PSMD14: variants seen among roughly 807,000 people sequenced by gnomAD.
PSMD14 encodes ubiquitin C-terminal hydrolase PSMD14.
PSMD14 carries 7 observed loss-of-function variants against 41.2 expected under a neutral mutation model. The ratio of observed to expected loss-of-function variants is 0.17; its 90% CI spans 0.10 to 0.32. The LOEUF (loss-of-function observed/expected upper bound fraction) is 0.32. Among genes scored for constraint, PSMD14 ranks in the 10% least tolerant of loss-of-function variants. The pLI is 1.00. For synonymous variants in PSMD14, 114 were observed against 122.3 expected (o/e 0.93, Z 0.45); for missense variants, 139 against 375.6 (o/e 0.37, Z 5.21).
Position 161,316,095 on chromosome 2 carries a change from T to C in PSMD14, c.-137-342T>C, listed in dbSNP as rs527460693. Among the ~76,000 whole-genome samples, 23 of 152,266 alleles carry C rather than the reference T, an allele frequency of 1.5e-4. No individual in the cohort carries two copies. The South Asian group carries it at 4.8e-3, about 32-fold the overall frequency. On this transcript the variant is annotated intron_variant, in intron 1 of 11. Transcript: ENST00000409682. ...CTGACCTCAGGTGATCCGCCCGCGT[T>C]GGCCTCCCAAAGTGCTGGGATTACA...
chr2:161,362,106 G>T (rs1683297398), intron 3 of PSMD14, among the ~76,000 whole-genome samples: 1 of 151,976 alleles, frequency 6.6e-6, no homozygotes, highest in Admixed American at 6.6e-5. Flanking sequence ...TCACTCTGTT[G>T]CCCAGGCTGG....
At chr2:161,314,435 T>C (rs1184080495) in intron 1 of PSMD14, among the ~76,000 whole-genome samples, 1 of 152,232 alleles carries the variant, frequency 6.6e-6, no homozygotes, top group Non-Finnish European at 1.5e-5. Context: ...GTGAACAGTT[T>C]AGTATCATTT....
chr2:161,400,633 A>G (rs116483066), intron 10 of PSMD14, among the ~76,000 whole-genome samples: 230 of 152,252 alleles, frequency 1.5e-3, no homozygotes, highest in Non-Finnish European at 2.8e-3. Flanking sequence ...GGTTCACTGT[A>G]GCTTCCACCT....
At chr2:161,386,194 G>A (rs1359506327) in intron 8 of PSMD14, among the ~76,000 whole-genome samples, 1 of 151,708 alleles carries the variant, frequency 6.6e-6, no homozygotes, top group East Asian at 1.9e-4. Flanking sequence ...ATGCCATGGT[G>A]TTTTTATACA....
chr2:161,394,356 A>T (rs1442480242), intron 9 of PSMD14, among the ~76,000 whole-genome samples: 1 of 152,118 alleles, frequency 6.6e-6, no homozygotes, highest in Non-Finnish European at 1.5e-5. Flanking sequence ...TAAATTATAG[A>T]TGGAATACCA....
intron 11 of PSMD14, among the ~76,000 whole-genome samples, chr2:161,410,307 G>T (rs551329513): frequency 6.6e-6 from 1 of 151,546 alleles, no homozygotes; most frequent in Non-Finnish European, 1.5e-5. Context: ...GTATCTCTGG[G>T]TTGTTTAAAA....
At chr2:161,342,540 A>G (rs1021425139) in intron 3 of PSMD14, among the ~76,000 whole-genome samples, 8 of 151,686 alleles carry the variant, frequency 5.3e-5, no homozygotes, top group Admixed American at 3.3e-4. Context: ...CTGTCTACCT[A>G]TTTGGATCTT....
intron 3 of PSMD14, among the ~76,000 whole-genome samples, chr2:161,336,889 A>G (rs574872432): frequency 4.6e-5 from 7 of 152,264 alleles, no homozygotes; most frequent in Admixed American, 2.0e-4. Context: ...TGTTATTTTT[A>G]TATTCTTAAT....
chr2:161,364,500 C>T (rs1683332984), intron 3 of PSMD14, among the ~76,000 whole-genome samples: 1 of 152,130 alleles, frequency 6.6e-6, no homozygotes. Context: ...CCCTCCTCTA[C>T]CCAGCCCTGC....
intron 9 of PSMD14, 42 bp from the exon 10 acceptor site, chr2:161,395,036 C>A: frequency 1.3e-6 from 2 of 1,492,528 alleles, no homozygotes; most frequent in African/African-American, 1.4e-5. Flanking sequence ...AAGGGGGTAT[C>A]CTCAAGGCAG....
In PSMD14 at chr2:161,341,040, C is replaced by T. The variant is rs1682948501; in HGVS notation, c.48+22167C>T. On this transcript the variant is annotated intron_variant, in intron 3 of 11. Transcript: ENST00000409682. ...CTCCGCTGGCGCCGCCGCGGGATCC[C>T]CTGGCCCTTCGGGCTCCCCCGGTCC... 1.9e-6 allele frequency: 3 copies of T among 1,601,738 alleles called. No individual in the cohort carries two copies. The East Asian group carries it at 6.7e-5, about 36-fold the overall frequency.
chr2:161,397,355 G>A (rs1016585703), intron 10 of PSMD14, among the ~76,000 whole-genome samples: 1 of 152,116 alleles, frequency 6.6e-6, no homozygotes, highest in African/African-American at 2.4e-5. Context: ...GGCACTGGTC[G>A]GATAGACGAA....
chr2:161,375,022 G>A (rs1350028460), intron 7 of PSMD14, among the ~76,000 whole-genome samples: 1 of 151,930 alleles, frequency 6.6e-6, no homozygotes, highest in African/African-American at 2.4e-5. Flanking sequence ...GTCCAAATGT[G>A]TCTTCCACTG....
intron 7 of PSMD14, chr2:161,382,043 T>C (rs1683576870): frequency 6.6e-6 from 1 of 151,830 alleles, no homozygotes; most frequent in Non-Finnish European, 1.5e-5. Context: ...TTGGCTGTTA[T>C]ATCACAGTTT....
chr2:161,317,462 G>A (rs1269347227), intron 2 of PSMD14, among the ~76,000 whole-genome samples: 1 of 152,184 alleles, frequency 6.6e-6, no homozygotes, highest in South Asian at 2.1e-4. Flanking sequence ...CCTTTGCAGG[G>A]TGGAATAGAC....
chr2:161,313,982 A>G (rs1689121102), intron 1 of PSMD14, among the ~76,000 whole-genome samples: 1 of 152,194 alleles, frequency 6.6e-6, no homozygotes, highest in Non-Finnish European at 1.5e-5. Context: ...ACCACCATCC[A>G]TATCCAGAAT....
At chr2:161,358,500 C>A (rs1683237792) in intron 3 of PSMD14, among the ~76,000 whole-genome samples, 1 of 152,172 alleles carries the variant, frequency 6.6e-6, no homozygotes, top group South Asian at 2.1e-4. Flanking sequence ...GCGCTGTCTC[C>A]TTTCCGCTAG....
intron 7 of PSMD14, among the ~76,000 whole-genome samples, chr2:161,372,340 A>G (rs1683447513): frequency 6.6e-6 from 1 of 152,098 alleles, no homozygotes; most frequent in Non-Finnish European, 1.5e-5. Flanking sequence ...CTGGAGTTTG[A>G]TAGTAGTGCA....
chr2:161,394,353 T>C (rs917922616), intron 9 of PSMD14, among the ~76,000 whole-genome samples: 4 of 152,138 alleles, frequency 2.6e-5, no homozygotes, highest in Non-Finnish European at 5.9e-5. Context: ...TTTTAAATTA[T>C]AGATGGAATA....
Sources: gnomAD v4.1 joint callset for allele counts (sites outside exome capture counted in the v4.1 genomes callset) on GRCh38, gnomAD v4.1.1 for gene constraint, MANE v1.5 for transcripts, NCBI Gene and HGNC (gene_info 2026-07-23, HGNC 2026-07-21) for gene names.